Variants in SLC17A1 observed in about 807,000 individuals in gnomAD.
The protein encoded by SLC17A1 is solute carrier family 17 member 1, also known as sodium-dependent phosphate transport protein 1.
A neutral mutation model predicts 53.5 loss-of-function variants in SLC17A1; 51 were observed. The ratio of observed to expected loss-of-function variants is 0.95; its 90% CI spans 0.76 to 1.20. The LOEUF is 1.20. Among genes scored for constraint, SLC17A1 ranks in the 50% most tolerant of loss-of-function variants. SLC17A1 has a pLI of 0.00. For missense variants in SLC17A1, 538 were observed against 568.2 expected (o/e 0.95, Z 0.54); for synonymous variants, 179 against 198.8 (o/e 0.90, Z 0.84).
At chr6:25,735,194 C>T in the SLC17A1 span, among the ~76,000 whole-genome samples, 1 of 152,202 alleles carries the variant, frequency 6.6e-6, no homozygotes, top group Admixed American at 6.5e-5. Context: ...GGCTATTTTT[C>T]ATTTATAAAT....
the SLC17A1 span, among the ~76,000 whole-genome samples, chr6:25,766,092 T>G: frequency 6.6e-6 from 1 of 150,930 alleles, no homozygotes; most frequent in African/African-American, 2.4e-5. Flanking sequence ...TTTAATTACA[T>G]AATCATAATT....
intron 12 of SLC17A1, 100 bp downstream of exon 12, chr6:25,798,683 C>G (rs1177312188): frequency 8.8e-7 from 1 of 1,131,514 alleles, no homozygotes; most frequent in Non-Finnish European, 1.2e-6. Context: ...TTCTCCAAAC[C>G]TGCACCCGTT....
chr6:25,771,755 A>C, the SLC17A1 span, among the ~76,000 whole-genome samples: 1 of 152,180 alleles, frequency 6.6e-6, no homozygotes, highest in Non-Finnish European at 1.5e-5. Context: ...TAGGTAAAAT[A>C]CTAATTAGAG....
chr6:25,746,938 T>C, the SLC17A1 span, among the ~76,000 whole-genome samples: 1 of 152,220 alleles, frequency 6.6e-6, no homozygotes, highest in Non-Finnish European at 1.5e-5. Flanking sequence ...AAAAATCTAC[T>C]GATTGATTCA....
chr6:25,734,234 T>C, the SLC17A1 span, among the ~76,000 whole-genome samples: 1 of 152,146 alleles, frequency 6.6e-6, no homozygotes, highest in Non-Finnish European at 1.5e-5. Context: ...GGAACTTAAT[T>C]TAGATAGCGA....
intron 12 of SLC17A1, among the ~76,000 whole-genome samples, chr6:25,789,606 A>G (rs1383310415): frequency 6.6e-6 from 1 of 152,094 alleles, no homozygotes; most frequent in African/African-American, 2.4e-5. Flanking sequence ...ATGACCTGAG[A>G]AGAACACAGG....
chr6:25,816,121 A>C (rs1764347240), intron 6 of SLC17A1, among the ~76,000 whole-genome samples: 1 of 152,300 alleles, frequency 6.6e-6, no homozygotes, highest in Admixed American at 6.5e-5. Flanking sequence ...TAAATCAAAG[A>C]CAATTTTGAA....
intron 12 of SLC17A1, among the ~76,000 whole-genome samples, chr6:25,788,055 T>C (rs998817307): frequency 1.3e-5 from 2 of 152,178 alleles, no homozygotes; most frequent in Non-Finnish European, 2.9e-5. Context: ...TGTAACACCC[T>C]TGGCCCTTCC....
the SLC17A1 span, chr6:25,727,294 CCTG>C: frequency 2.5e-6 from 4 of 1,585,038 alleles, no homozygotes; most frequent in South Asian, 4.6e-5. Context: ...TCCAAGTAAG[CCTG>C]CTAAGTAAAC....
chr6:25,807,533 A>G (rs1038744258), intron 10 of SLC17A1, among the ~76,000 whole-genome samples: 3 of 151,902 alleles, frequency 2.0e-5, no homozygotes, highest in Non-Finnish European at 4.4e-5. Context: ...TTTAGTGAGG[A>G]TATTTGAGAT....
chr6:25,734,645 A>T, the SLC17A1 span, among the ~76,000 whole-genome samples: 1 of 152,254 alleles, frequency 6.6e-6, no homozygotes, highest in African/African-American at 2.4e-5. Flanking sequence ...ATAAACCAGG[A>T]TCCATCTACG....
the SLC17A1 span, among the ~76,000 whole-genome samples, chr6:25,762,495 C>T: frequency 2.3e-4 from 35 of 152,276 alleles, no homozygotes; most frequent in Non-Finnish European, 4.1e-4. Flanking sequence ...TATATTACAA[C>T]ATCATGCTTT....
At position 25,811,545 on chromosome 6, in the gene SLC17A1, C is replaced by G; in HGVS notation, c.1031G>C (p.Gly344Ala). 6.2e-7 allele frequency: 1 copy of G among 1,613,740 alleles called. No homozygotes were observed. Among genetic ancestry groups the G allele is most frequent in the Non-Finnish European group, 8.5e-7 (1 of 1,179,816 alleles). Residue 344 changes from glycine to alanine, a missense_variant and splice_region_variant, in exon 10 of 13, where the codon GGA becomes GCA. Transcript: ENST00000244527. The stretch of plus-strand genomic sequence containing the variant: ...ACCAAAGATTGCAGGAAGGAGAAAT[C>G]CTGGGGAGTGATTCAGACAACATAG... ...IAVRKLFTAAGFLLPAIFGVC... is the reference protein window; with the variant it reads ...IAVRKLFTAAAFLLPAIFGVC...
the SLC17A1 span, chr6:25,726,062 G>T: frequency 1.5e-6 from 2 of 1,366,126 alleles, no homozygotes. Context: ...TTCTGAGACG[G>T]TAGGTGGCTC....
At chr6:25,755,528 G>T in the SLC17A1 span, among the ~76,000 whole-genome samples, 2 of 151,162 alleles carry the variant, frequency 1.3e-5, no homozygotes, top group African/African-American at 4.9e-5. Flanking sequence ...GAGGAACAGG[G>T]TGCATATGAA....
At chr6:25,732,766 C>A in the SLC17A1 span, 1 of 991,600 alleles carries the variant, frequency 1.0e-6, no homozygotes, top group Non-Finnish European at 1.5e-6. Context: ...TGCCCAACAT[C>A]CAAGCTGTGC....
the SLC17A1 span, among the ~76,000 whole-genome samples, chr6:25,740,689 C>A: frequency 7.8e-4 from 119 of 152,164 alleles, no homozygotes; most frequent in Non-Finnish European, 1.5e-3. Context: ...AATCTCAATT[C>A]TAACACATTA....
the SLC17A1 span, among the ~76,000 whole-genome samples, chr6:25,768,083 A>G: frequency 3.9e-5 from 6 of 152,192 alleles, no homozygotes; most frequent in Admixed American, 6.5e-5. Context: ...TCTTAATTTA[A>G]TCTGTCATAT....
chr6:25,831,166 C>T (rs1193067291), intron 1 of SLC17A1, among the ~76,000 whole-genome samples: 3 of 152,126 alleles, frequency 2.0e-5, no homozygotes, highest in East Asian at 1.9e-4. Flanking sequence ...CTTCAGTTTC[C>T]GTGGATAGAG....
Sources: gnomAD v4.1 joint callset for allele counts (sites outside exome capture counted in the v4.1 genomes callset) on GRCh38, gnomAD v4.1.1 for gene constraint, MANE v1.5 for transcripts, NCBI Gene and HGNC (gene_info 2026-07-23, HGNC 2026-07-21) for gene names.